Variants in NXPE4 observed in about 807,000 individuals in gnomAD.
The protein encoded by NXPE4 is NXPE family member 4.
Under a neutral mutation model 33.3 loss-of-function variants are expected in NXPE4, and 42 were observed. The ratio of observed to expected loss-of-function variants is 1.26; its 90% CI spans 0.98 to 1.63. The LOEUF (loss-of-function observed/expected upper bound fraction) is 1.63, where lower values mean the gene tolerates loss of function less well. Among genes scored for constraint, NXPE4 ranks in the 40% most tolerant of loss-of-function variants. The pLI, the probability that NXPE4 is intolerant of heterozygous loss-of-function variation, is 0.00. For synonymous variants in NXPE4, 253 were observed against 234.9 expected (o/e 1.08, Z -0.71); for missense variants, 709 against 647.6 (o/e 1.09, Z -1.03).
the NXPE4 span, among the ~76,000 whole-genome samples, chr11:114,616,884 G>T: frequency 6.6e-6 from 1 of 151,802 alleles, no homozygotes; most frequent in African/African-American, 2.4e-5. Flanking sequence ...TTACCCGCTG[G>T]ATACTAGGTA....
upstream of NXPE4, among the ~76,000 whole-genome samples, chr11:114,598,698 G>A (rs532139889): frequency 3.3e-5 from 5 of 152,020 alleles, no homozygotes; most frequent in Non-Finnish European, 7.4e-5. Flanking sequence ...GGAGCAGCTG[G>A]GATGCAGGGA....
chr11:114,624,607 C>T, the NXPE4 span, among the ~76,000 whole-genome samples: 1 of 151,630 alleles, frequency 6.6e-6, no homozygotes, highest in Non-Finnish European at 1.5e-5. Flanking sequence ...ATAAGTATTG[C>T]CTCATGGGCA....
the NXPE4 span, among the ~76,000 whole-genome samples, chr11:114,676,519 C>T: frequency 6.6e-6 from 1 of 151,896 alleles, no homozygotes; most frequent in Admixed American, 6.6e-5. Context: ...TGTCAAGCCT[C>T]ACTAATCATC....
upstream of NXPE4, among the ~76,000 whole-genome samples, chr11:114,596,674 T>C (rs571985079): frequency 3.3e-4 from 51 of 152,306 alleles, no homozygotes; most frequent in Middle Eastern, 3.4e-3. Context: ...GATTGTTAAA[T>C]TTTTCACTGA....
the NXPE4 span, among the ~76,000 whole-genome samples, chr11:114,650,285 T>C: frequency 1.3e-5 from 2 of 152,212 alleles, no homozygotes; most frequent in Admixed American, 6.5e-5. Flanking sequence ...AGAATAAAAA[T>C]GAATTGTTAA....
In NXPE4 at chr11:114,594,678, G is replaced by A. The variant is rs768099131; in HGVS notation, c.82C>T (p.Gln28Ter). 2.5e-6 allele frequency: 4 copies of A among 1,598,184 alleles called. No homozygotes were observed. In the Admixed American group the frequency reaches 5.1e-5, roughly 20 times the overall value. The change falls in exon 2 of 6, where the codon CAG becomes TAG. Residue 28 changes from glutamine to a stop codon, truncating the protein, a stop_gained. Transcript: ENST00000375478. LOFTEE classifies it high-confidence loss of function. ...LASWIIFTVF[Q>*]NSTKVWSALN... ...GCATTTCCTACCTTTGTGGAGTTCTGGAAAACTGTAAAAATGATCCAGGAG... is the reference window on the plus strand; with the variant it reads ...GCATTTCCTACCTTTGTGGAGTTCTAGAAAACTGTAAAAATGATCCAGGAG...
chr11:114,643,493 A>C, the NXPE4 span, among the ~76,000 whole-genome samples: 1 of 152,020 alleles, frequency 6.6e-6, no homozygotes, highest in East Asian at 1.9e-4. Context: ...AGTTTTCCCA[A>C]CACCATTTAT....
At chr11:114,646,105 C>A in the NXPE4 span, among the ~76,000 whole-genome samples, 2 of 151,936 alleles carry the variant, frequency 1.3e-5, no homozygotes, top group African/African-American at 2.4e-5. Flanking sequence ...TCTTTTATTT[C>A]TTAATATGTT....
the NXPE4 span, among the ~76,000 whole-genome samples, chr11:114,654,931 C>T: frequency 6.6e-6 from 1 of 152,124 alleles, no homozygotes; most frequent in African/African-American, 2.4e-5. Flanking sequence ...ATCTATATTC[C>T]CACCAACAGT....
chr11:114,597,709 G>A (rs1029418136), upstream of NXPE4, among the ~76,000 whole-genome samples: 4 of 152,104 alleles, frequency 2.6e-5, no homozygotes, highest in Non-Finnish European at 4.4e-5. Context: ...TGAGCCTGGA[G>A]CATCTCGGGG....
At chr11:114,579,752 G>A (rs1355081346) in intron 5 of NXPE4, among the ~76,000 whole-genome samples, 12 of 152,216 alleles carry the variant, frequency 7.9e-5, no homozygotes, top group Non-Finnish European at 4.4e-5. Context: ...AGGAGGTAGA[G>A]AAGTCAGGTT....
the NXPE4 span, among the ~76,000 whole-genome samples, chr11:114,637,941 C>T: frequency 3.3e-5 from 5 of 151,938 alleles, no homozygotes; most frequent in South Asian, 1.0e-3. Flanking sequence ...AATTATGTGT[C>T]TTGGAGTTGC....
At chr11:114,646,175 AAACT>A in the NXPE4 span, among the ~76,000 whole-genome samples, 4 of 152,006 alleles carry the variant, frequency 2.6e-5, no homozygotes, top group Non-Finnish European at 5.9e-5. Context: ...TCTATATCTT[AAACT>A]AACTATGTCT....
chr11:114,619,108 GATA>G, the NXPE4 span, among the ~76,000 whole-genome samples: 20 of 152,070 alleles, frequency 1.3e-4, no homozygotes, highest in African/African-American at 4.8e-4. Context: ...TTGCACTGTG[GATA>G]ATAAGTGTTG....
chr11:114,653,730 G>C, the NXPE4 span, among the ~76,000 whole-genome samples: 1 of 151,778 alleles, frequency 6.6e-6, no homozygotes, highest in African/African-American at 2.4e-5. Flanking sequence ...GGGTTTCACT[G>C]TGTTAGCCAG....
At chr11:114,583,487 A>G (rs1466793356) in intron 2 of NXPE4, 1 of 636,402 alleles carries the variant, frequency 1.6e-6, no homozygotes, top group Non-Finnish European at 3.0e-6. Flanking sequence ...CTTGTGCTCC[A>G]TCTATCCAGA....
chr11:114,677,945 T>G, the NXPE4 span, among the ~76,000 whole-genome samples: 121 of 152,204 alleles, frequency 7.9e-4, no homozygotes, highest in African/African-American at 2.6e-3. Context: ...ATTTGCTCTT[T>G]TGGATTCTCT....
the NXPE4 span, among the ~76,000 whole-genome samples, chr11:114,633,107 C>A: frequency 8.9e-6 from 1 of 112,826 alleles, no homozygotes; most frequent in Admixed American, 1.1e-4. Flanking sequence ...ATATATTTTA[C>A]ATTATATTTT....
At chr11:114,667,089 C>G in the NXPE4 span, among the ~76,000 whole-genome samples, 2 of 152,036 alleles carry the variant, frequency 1.3e-5, no homozygotes, top group African/African-American at 4.8e-5. Context: ...AGGTGTTGTT[C>G]TAACTGTGCT....
Sources: gnomAD v4.1 joint callset for allele counts (sites outside exome capture counted in the v4.1 genomes callset) on GRCh38, gnomAD v4.1.1 for gene constraint, MANE v1.5 for transcripts, NCBI Gene and HGNC (gene_info 2026-07-23, HGNC 2026-07-21) for gene names.